WDR70: variants seen among roughly 807,000 people sequenced by gnomAD.
WDR70 encodes the protein WD repeat domain 70.
A neutral mutation model predicts 88.6 loss-of-function variants in WDR70; 53 were observed. The observed-to-expected ratio is 0.60, with a 90% CI of 0.48 to 0.75. WDR70 has a LOEUF of 0.75. Among genes scored for constraint, WDR70 ranks in the 30% least tolerant of loss-of-function variants. The pLI is 0.00. For missense variants in WDR70, 610 were observed against 823.2 expected (o/e 0.74, Z 3.17); for synonymous variants, 280 against 270.0 (o/e 1.04, Z -0.36).
chr5:37,578,723 C>T (rs1436156402), intron 9 of WDR70, among the ~76,000 whole-genome samples: 1 of 152,138 alleles, frequency 6.6e-6, no homozygotes, highest in Non-Finnish European at 1.5e-5. Context: ...TCAAAGAGTT[C>T]ACAGTGTAAT....
intron 5 of WDR70, among the ~76,000 whole-genome samples, chr5:37,431,358 A>G (rs1277907128): frequency 3.3e-5 from 5 of 152,120 alleles, no homozygotes; most frequent in African/African-American, 1.2e-4. Context: ...TTAAGTCCTT[A>G]AGATCTCTTA....
At chr5:37,485,807 T>G (rs1739846212) in intron 8 of WDR70, among the ~76,000 whole-genome samples, 2 of 151,310 alleles carry the variant, frequency 1.3e-5, no homozygotes, top group Non-Finnish European at 2.9e-5. Context: ...TTCCCCTGCC[T>G]TAGCCTCCCG....
At chr5:37,552,574 G>GT (rs1221921495) in intron 9 of WDR70, among the ~76,000 whole-genome samples, 1 of 152,192 alleles carries the variant, frequency 6.6e-6, no homozygotes, top group Non-Finnish European at 1.5e-5. Context: ...GTTACCTTTT[G>GT]TTTGAGTGCA....
At chr5:37,502,216 G>A (rs569323413) in intron 8 of WDR70, among the ~76,000 whole-genome samples, 9 of 152,098 alleles carry the variant, frequency 5.9e-5, no homozygotes, top group African/African-American at 2.2e-4. Flanking sequence ...AAAAGGGATT[G>A]ATTTGAGAAT....
At chr5:37,461,784 G>T (rs1391217740) in intron 7 of WDR70, among the ~76,000 whole-genome samples, 5 of 152,068 alleles carry the variant, frequency 3.3e-5, no homozygotes, top group Non-Finnish European at 5.9e-5. Flanking sequence ...CTCCCGGCCT[G>T]TATGCTGTAT....
At chr5:37,494,225 G>T (rs993426228) in intron 8 of WDR70, among the ~76,000 whole-genome samples, 4 of 152,192 alleles carry the variant, frequency 2.6e-5, no homozygotes, top group Non-Finnish European at 4.4e-5. Flanking sequence ...CCATCTATTA[G>T]CAGAGACATT....
chr5:37,449,720 AG>A, intron 7 of WDR70, among the ~76,000 whole-genome samples: 1 of 152,122 alleles, frequency 6.6e-6, no homozygotes, highest in Middle Eastern at 3.4e-3. Flanking sequence ...GAAGTATATT[AG>A]CAAATAAGAT....
chr5:37,587,675 A>T (rs1297493529), intron 9 of WDR70, among the ~76,000 whole-genome samples: 1 of 152,136 alleles, frequency 6.6e-6, no homozygotes, highest in Non-Finnish European at 1.5e-5. Flanking sequence ...TGGTTTGTGG[A>T]AAGTATTTAA....
At chr5:37,723,111 C>A in intron 15 of WDR70, 177 bp downstream of exon 15, 1 of 663,486 alleles carries the variant, frequency 1.5e-6, no homozygotes, top group South Asian at 1.9e-5. Context: ...GCTTCTGTGA[C>A]TCATCACAGG....
intron 5 of WDR70, among the ~76,000 whole-genome samples, chr5:37,425,838 G>GTAGA (rs1157340416): frequency 6.6e-6 from 1 of 152,160 alleles, no homozygotes; most frequent in African/African-American, 2.4e-5. Context: ...TTTGTAGCTG[G>GTAGA]TAGATAGTGG....
At chr5:37,460,699 AC>A in intron 7 of WDR70, among the ~76,000 whole-genome samples, 1 of 144,596 alleles carries the variant, frequency 6.9e-6, no homozygotes, top group African/African-American at 2.5e-5. Context: ...ATAAAAAAAA[AC>A]ATTAAAAATA....
intron 11 of WDR70, among the ~76,000 whole-genome samples, chr5:37,698,317 A>G (rs181499966): frequency 2.5e-4 from 38 of 152,290 alleles, no homozygotes; most frequent in Admixed American, 2.3e-3. Context: ...TCACATAGAT[A>G]GGTTGTGTAT....
chr5:37,732,200 TC>T (rs1467552008), intron 17 of WDR70, among the ~76,000 whole-genome samples: 1 of 152,132 alleles, frequency 6.6e-6, no homozygotes, highest in Non-Finnish European at 1.5e-5. Context: ...TTATTATATG[TC>T]CTCTGAGAGA....
At chr5:37,701,819 A>G (rs1001257416) in intron 12 of WDR70, among the ~76,000 whole-genome samples, 3 of 150,996 alleles carry the variant, frequency 2.0e-5, no homozygotes, top group African/African-American at 7.3e-5. Context: ...GAGCTCTAAT[A>G]CCTTCAAGGC....
intron 9 of WDR70, 130 bp downstream of exon 9, chr5:37,516,720 TA>T (rs1393945754): frequency 1.8e-3 from 284 of 158,894 alleles, no homozygotes; most frequent in African/African-American, 8.0e-3. Flanking sequence ...TACATATATA[TA>T]TATATTTTTT....
intron 9 of WDR70, among the ~76,000 whole-genome samples, chr5:37,547,197 T>G (rs1742025008): frequency 6.6e-6 from 1 of 152,178 alleles, no homozygotes; most frequent in Admixed American, 6.5e-5. Context: ...TATCAAATAG[T>G]AGTATATGAA....
chr5:37,631,405 A>G (rs1337961955), intron 10 of WDR70, among the ~76,000 whole-genome samples: 1 of 152,062 alleles, frequency 6.6e-6, no homozygotes, highest in Admixed American at 6.6e-5. Flanking sequence ...TATTTACCTC[A>G]CCGTTAGTAA....
At chr5:37,691,710 A>G (rs1746799489) in intron 10 of WDR70, among the ~76,000 whole-genome samples, 1 of 152,268 alleles carries the variant, frequency 6.6e-6, no homozygotes, top group East Asian at 1.9e-4. Flanking sequence ...CATTTAAAGC[A>G]GTGTGTAAAG....
chr5:37,559,613 G>A (rs1742428725), intron 9 of WDR70, among the ~76,000 whole-genome samples: 1 of 152,176 alleles, frequency 6.6e-6, no homozygotes, highest in South Asian at 2.1e-4. Context: ...GGGAGGACGA[G>A]GCGGGTGGAT....
Sources: gnomAD v4.1 joint callset for allele counts (sites outside exome capture counted in the v4.1 genomes callset) on GRCh38, gnomAD v4.1.1 for gene constraint, MANE v1.5 for transcripts, NCBI Gene and HGNC (gene_info 2026-07-23, HGNC 2026-07-21) for gene names.